The following FANCA variants were observed in gnomAD, a reference collection of about 807,000 sequenced individuals.
FANCA encodes the protein FA complementation group A.
In FANCA, 236 loss-of-function variants were observed where a neutral mutation model predicts 194.3. The observed-to-expected ratio is 1.21, with a 90% CI of 1.09 to 1.35. FANCA has a LOEUF of 1.35. FANCA is among the 40% of genes most tolerant of loss of function. FANCA has a pLI of 0.00. For missense variants in FANCA, 2,628 were observed against 1,813.9 expected (o/e 1.45, Z -8.15); for synonymous variants, 1,014 against 715.8 (o/e 1.42, Z -6.65).
At chr16:89,747,009 C>T in intron 33 of FANCA, 119 bp from the exon 34 acceptor site, 3 of 977,832 alleles carry the variant, frequency 3.1e-6, no homozygotes, top group Non-Finnish European at 4.7e-6. Flanking sequence ...TTGGCGTGGC[C>T]ACCATGGATG....
Position 89,791,556 on chromosome 16 carries a change from T to C in FANCA, c.1226-20A>G, listed in dbSNP as rs1800330. On this transcript the variant is annotated intron_variant, in intron 13 of 42. Coordinates refer to ENST00000389301, the MANE Select transcript of FANCA (RefSeq NM_000135.4). ...CCCAGTCTAGTTAAGAACCATGACATAGTCACAGCAAGGCAAGGGCAGCCA... is the reference window on the plus strand; with the variant it reads ...CCCAGTCTAGTTAAGAACCATGACACAGTCACAGCAAGGCAAGGGCAGCCA... 0.37 allele frequency: 600,161 copies of C among 1,612,996 alleles called. 123,728 individuals are homozygous for C. The highest frequency in any genetic ancestry group is 0.82 in the East Asian group (36,638 of 44,860).
intron 22 of FANCA, among the ~76,000 whole-genome samples, chr16:89,772,406 C>T (rs1041955313): frequency 1.3e-5 from 2 of 152,256 alleles, no homozygotes; most frequent in Non-Finnish European, 2.9e-5. Context: ...CCAGCTAGCG[C>T]TAACCAAGCT....
rs1431403785 is a variant in FANCA, at chr16:89,746,574, G to C, written c.3513+10C>G. 6.2e-7 allele frequency: 1 copy of C among 1,611,132 alleles called. No individual in the cohort carries two copies. Among genetic ancestry groups the C allele is most frequent in the African/African-American group, 1.3e-5 (1 of 74,874 alleles). ...CCAAAACAAAACACCAAACAAGACA[G>C]CTGACCCACCAGAGCAGAGGTCAAA... is the stretch of plus-strand genomic sequence containing the variant. On this transcript the variant is annotated intron_variant, in intron 35 of 42. Transcript: ENST00000389301.
chr16:89,791,023 GTTTTTTTT>G (rs11355118), intron 14 of FANCA: 15 of 94,786 alleles, frequency 1.6e-4, no homozygotes, highest in South Asian at 6.6e-4. Flanking sequence ...GTGTGTGTGT[GTTTTTTTT>G]TTTTTTTTTT....
chr16:89,739,430 G>A (rs1055386152), intron 40 of FANCA, 48 bp downstream of exon 40: 2 of 1,552,774 alleles, frequency 1.3e-6, no homozygotes, highest in Non-Finnish European at 1.7e-6. Flanking sequence ...TGAGATGGGG[G>A]TCTGGGAAAC....
Position 89,739,186 on chromosome 16 carries a change from C to A in FANCA, c.4114G>T (p.Asp1372Tyr), listed in dbSNP as rs1302438780. 1 of 1,614,178 alleles carries A rather than the reference C, an allele frequency of 6.2e-7. No individual in the cohort carries two copies. The highest frequency in any genetic ancestry group is 8.5e-7 in the Non-Finnish European group (1 of 1,180,052). Residue 1372 changes from aspartate to tyrosine, a missense_variant, in exon 41 of 43, where the codon GAT (aspartate) becomes TAT (tyrosine). Asp to Tyr is a radical substitution (Grantham distance 160, BLOSUM62 -3). Coordinates refer to ENST00000389301, the MANE Select transcript of FANCA (RefSeq NM_000135.4). ...GCTGGAGGTGAAACTGTGCTTGTAT[C>A]CCCAGCCACGAAGAGCTGGACCAGC... The part of the protein sequence containing the change: ...LKLVQLFVAG[D>Y]TSTVSPPAGR...
chr16:89,797,773 T>C (rs1408286797), intron 10 of FANCA, among the ~76,000 whole-genome samples: 2 of 152,100 alleles, frequency 1.3e-5, no homozygotes, highest in African/African-American at 4.8e-5. Flanking sequence ...TGCATGCCTG[T>C]AATCCCAGCT....
At chr16:89,798,756 G>T in intron 10 of FANCA, 1 of 1,375,970 alleles carries the variant, frequency 7.3e-7, no homozygotes, top group Non-Finnish European at 9.4e-7. Flanking sequence ...CCAGGCAGCG[G>T]GAGTCTGTAG....
intron 8 of FANCA, among the ~76,000 whole-genome samples, chr16:89,800,363 C>T (rs565001416): frequency 2.0e-5 from 3 of 152,344 alleles, no homozygotes; most frequent in South Asian, 4.1e-4. Context: ...CAGAGAGCAA[C>T]TCATGGTAAC....
Position 89,738,415 on chromosome 16 carries a change from G to C in FANCA, c.*186C>G. The C allele has an allele frequency of 4.4e-6, 6 of 1,373,044 alleles. No individual in the cohort carries two copies. In the South Asian group the frequency reaches 8.0e-5, roughly 18 times the overall value. The allele number at this position is 1,373,044 out of a possible 1,614,324, so 85.1% of individuals were successfully genotyped here. A position where few individuals can be genotyped will look rare whatever the true frequency, so the allele number is the denominator to read the frequency against. ...GTAGCCTTCCTCTGCTCTGGGACCAGTGGTTTATTTTCCCGCAAACGCTGA... is the reference window on the plus strand; with the variant it reads ...GTAGCCTTCCTCTGCTCTGGGACCACTGGTTTATTTTCCCGCAAACGCTGA... On this transcript the variant is annotated 3_prime_UTR_variant, in exon 43 of 43. Coordinates refer to ENST00000389301, the MANE Select transcript of FANCA (RefSeq NM_000135.4).
At chr16:89,764,835 CACAA>C (rs1437347343) in intron 28 of FANCA, 51 bp downstream of exon 28, 1 of 1,600,674 alleles carries the variant, frequency 6.2e-7, no homozygotes, top group African/African-American at 1.3e-5. Context: ...GAGGAGCACA[CACAA>C]ACCCTAGACT....
rs929828617 is a variant in FANCA at position 89,784,838 on chromosome 16, G to A, written c.1470+16C>T. On this transcript the variant is annotated intron_variant, in intron 15 of 42. Coordinates refer to ENST00000389301, the MANE Select transcript of FANCA (RefSeq NM_000135.4). ...CGAAGCACCAGAAATCATGGATGTG[G>A]CAGCCAGCTTCTCACCTGCAGGTAC... 3.4e-5 allele frequency: 54 copies of A among 1,587,476 alleles called. No individual in the cohort carries two copies. Among genetic ancestry groups the A allele is most frequent in the Non-Finnish European group, 4.3e-5 (50 of 1,155,852 alleles).
rs753980264 is a variant in FANCA, at chr16:89,778,948, G to C, written c.1771C>G (p.Arg591Gly). The part of the protein sequence containing the change: ...SHFLPALLTP[R>G]VLPKVPDSRV... ...TCATGGAGACGCATACTGACCACTC[G>C]AGGTGTGAGCAGGGCGGGGAGGAAG... Residue 591 changes from arginine (R) to glycine (G), a missense_variant, in exon 19 of 43, where the codon CGA (arginine) becomes GGA (glycine). Coordinates refer to ENST00000389301, the MANE Select transcript of FANCA (RefSeq NM_000135.4). 16 of 1,614,032 alleles carry C rather than the reference G, an allele frequency of 9.9e-6. No homozygotes were observed. In the African/African-American group the frequency reaches 2.1e-4, roughly 22 times the overall value.
chr16:89,771,951 G>A (rs184014151), intron 22 of FANCA, 137 bp from the exon 23 acceptor site: 11 of 1,028,362 alleles, frequency 1.1e-5, no homozygotes, highest in East Asian at 7.6e-5. Flanking sequence ...GCCAGGTGCT[G>A]AACACCAGTG....
At chr16:89,806,443 C>T (rs1033716832) in intron 6 of FANCA, among the ~76,000 whole-genome samples, 6 of 147,336 alleles carry the variant, frequency 4.1e-5, no homozygotes, top group Non-Finnish European at 8.9e-5. Context: ...GGAAGGTCAG[C>T]AGATAAACAA....
chr16:89,771,934 T>A (rs2039341366), intron 22 of FANCA, 120 bp from the exon 23 acceptor site: 2 of 1,180,918 alleles, frequency 1.7e-6, no homozygotes, highest in Admixed American at 1.9e-5. Context: ...ACTGCACACA[T>A]CCCCCAGCCA....
At position 89,746,590 on chromosome 16, in the gene FANCA, A is replaced by G. The variant is rs1211736375; in HGVS notation, c.3507T>C (p.Ser1169=). The change falls in exon 35 of 43, where the codon TCT becomes TCC. Residue 1169 remains serine (S), a synonymous_variant. Transcript: ENST00000389301. ...AACAAGACAGCTGACCCACCAGAGC[A>G]GAGGTCAAAATTAAGGGGCATTTCG... The part of the protein sequence containing the change: ...CQTKCPLILT[S]ALVWWPSLEP... The G allele has an allele frequency of 6.2e-7, 1 of 1,613,848 alleles. No individual in the cohort carries two copies. Among genetic ancestry groups the G allele is most frequent in the Admixed American group, 1.7e-5 (1 of 60,024 alleles).
intron 6 of FANCA, among the ~76,000 whole-genome samples, chr16:89,806,344 A>G: frequency 1.8e-5 from 1 of 57,048 alleles, no homozygotes; most frequent in African/African-American, 1.0e-4. Context: ...CTTCTATATC[A>G]TTCTTTTTTT....
At chr16:89,753,409 T>A (rs956308824) in intron 30 of FANCA, among the ~76,000 whole-genome samples, 8 of 152,108 alleles carry the variant, frequency 5.3e-5, no homozygotes, top group Admixed American at 3.9e-4. Flanking sequence ...CACTCTCTCA[T>A]CGCCGCACAC....
Sources: gnomAD v4.1 joint callset for allele counts (sites outside exome capture counted in the v4.1 genomes callset) on GRCh38, gnomAD v4.1.1 for gene constraint, MANE v1.5 for transcripts, NCBI Gene and HGNC (gene_info 2026-07-23, HGNC 2026-07-21) for gene names.